TMCC1: variants seen among roughly 807,000 people sequenced by gnomAD.
TMCC1 encodes the protein transmembrane and coiled-coil domains protein 1.
TMCC1 carries 15 observed loss-of-function variants against 52.4 expected under a neutral mutation model. The ratio of observed to expected loss-of-function variants is 0.29; its 90% CI spans 0.19 to 0.44. TMCC1 has a LOEUF of 0.44. Among genes scored for constraint, TMCC1 ranks in the 20% least tolerant of loss-of-function variants. The pLI, the probability that TMCC1 is intolerant of heterozygous loss-of-function variation, is 1.00. For missense variants in TMCC1, 503 were observed against 806.0 expected, an observed-to-expected ratio of 0.62 and a Z score of 4.55; for synonymous variants, 279 against 301.9, an observed-to-expected ratio of 0.92 and a Z score of 0.79.
chr3:129,688,260 T>A (rs1322641031), intron 4 of TMCC1: 2 of 984,258 alleles, frequency 2.0e-6, no homozygotes, highest in Non-Finnish European at 2.4e-6. Context: ...AAAGCTTGGA[T>A]GGTAAAAAAA....
intron 4 of TMCC1, among the ~76,000 whole-genome samples, chr3:129,775,060 C>T (rs962005541): frequency 6.6e-6 from 1 of 152,098 alleles, no homozygotes; most frequent in African/African-American, 2.4e-5. Context: ...GGGACAGAGA[C>T]AAGAGTACTC....
chr3:129,893,425 C>T (rs2062075807), intron 1 of TMCC1, 69 bp downstream of exon 1: 1 of 152,110 alleles, frequency 6.6e-6, no homozygotes, highest in African/African-American at 2.4e-5. Context: ...CGACTGTCCC[C>T]ACCCACCGCG....
intron 4 of TMCC1, among the ~76,000 whole-genome samples, chr3:129,734,979 T>C (rs2050833200): frequency 6.6e-6 from 1 of 151,580 alleles, no homozygotes; most frequent in Non-Finnish European, 1.5e-5. Context: ...CTCGGCTCAC[T>C]GCAAGCTCCG....
chr3:129,761,001 T>G (rs886916308), intron 4 of TMCC1, among the ~76,000 whole-genome samples: 1 of 152,050 alleles, frequency 6.6e-6, no homozygotes, highest in African/African-American at 2.4e-5. Context: ...CGCATCCATG[T>G]ATCAGACAGA....
chr3:129,713,627 A>G (rs1576547853), intron 4 of TMCC1, among the ~76,000 whole-genome samples: 2 of 150,830 alleles, frequency 1.3e-5, no homozygotes, highest in African/African-American at 4.9e-5. Context: ...GGAGGAGAAC[A>G]GCTTGAGCCC....
At chr3:129,805,932 T>C (rs569687777) in intron 4 of TMCC1, among the ~76,000 whole-genome samples, 7 of 151,914 alleles carry the variant, frequency 4.6e-5, no homozygotes, top group African/African-American at 1.7e-4. Context: ...ACCCTGTCTC[T>C]TCAAAAAAAA....
chr3:129,738,147 T>C (rs1194374207), intron 4 of TMCC1, among the ~76,000 whole-genome samples: 2 of 151,798 alleles, frequency 1.3e-5, no homozygotes, highest in Non-Finnish European at 2.9e-5. Context: ...GGTGGGCACC[T>C]GTAACCCCAG....
chr3:129,882,135 A>T lies in TMCC1; in HGVS notation c.-434-1576T>A, dbSNP rs2061488255. On this transcript the variant is annotated intron_variant, in intron 1 of 6. Coordinates refer to ENST00000393238, the MANE Select transcript of TMCC1 (RefSeq NM_001017395.5). ...ATGGAATGAGAGAAAATATTTACAG[A>T]TCATCTATCATCCAGAATATACAGA... Among the ~76,000 whole-genome samples the T allele has an allele frequency of 2.0e-5, 3 of 152,188 alleles. No homozygotes were observed. The South Asian group carries it at 6.2e-4, about 31-fold the overall frequency.
intron 2 of TMCC1, among the ~76,000 whole-genome samples, chr3:129,869,532 A>G (rs1028258612): frequency 3.3e-5 from 5 of 152,148 alleles, no homozygotes; most frequent in Non-Finnish European, 5.9e-5. Flanking sequence ...GTCTTTTGGG[A>G]CTGAGCCCTT....
chr3:129,664,163 T>C (rs1050188411), intron 5 of TMCC1, among the ~76,000 whole-genome samples: 1 of 152,226 alleles, frequency 6.6e-6, no homozygotes, highest in Admixed American at 6.5e-5. Flanking sequence ...AAGGGCTAAT[T>C]TGATTCAGTA....
At chr3:129,655,124 T>C (rs1560119419) in intron 5 of TMCC1, 21 bp from the exon 6 acceptor site, 5 of 1,604,620 alleles carry the variant, frequency 3.1e-6, no homozygotes, top group East Asian at 2.2e-5. Flanking sequence ...AAAAAAAGTT[T>C]AGAATTTTAT....
At chr3:129,793,001 G>A (rs1323048170) in intron 4 of TMCC1, among the ~76,000 whole-genome samples, 1 of 152,104 alleles carries the variant, frequency 6.6e-6, no homozygotes, top group Non-Finnish European at 1.5e-5. Flanking sequence ...ATTATCACCT[G>A]GCTCTCAACT....
At chr3:129,688,370 T>G (rs748600607) in intron 4 of TMCC1, 1 of 985,314 alleles carries the variant, frequency 1.0e-6, no homozygotes, top group Non-Finnish European at 1.2e-6. Flanking sequence ...TGCACATACT[T>G]GGTTTCCGAG....
In TMCC1 at chr3:129,871,167, T is replaced by C. The variant is rs144126550; in HGVS notation, c.-184+9142A>G. Among the ~76,000 whole-genome samples the C allele has an allele frequency of 6.2e-3, 945 of 152,194 alleles. 15 individuals are homozygous for C. Among genetic ancestry groups the C allele is most frequent in the African/African-American group, 0.02 (819 of 41,538 alleles). ...TGAGGTCAGGAGTTCGAGACCAGCC[T>C]TGCCAACATAGTAAAACCCCATCTC... is the stretch of plus-strand genomic sequence containing the variant. On this transcript the variant is annotated intron_variant, in intron 2 of 6. Transcript: ENST00000393238.
At chr3:129,742,343 A>T (rs2051535347) in intron 4 of TMCC1, among the ~76,000 whole-genome samples, 1 of 152,152 alleles carries the variant, frequency 6.6e-6, no homozygotes, top group Non-Finnish European at 1.5e-5. Context: ...GAACTTGTAC[A>T]CAGAATATAT....
chr3:129,792,743 T>C (rs568105703), intron 4 of TMCC1, among the ~76,000 whole-genome samples: 2 of 152,252 alleles, frequency 1.3e-5, no homozygotes, highest in South Asian at 4.1e-4. Flanking sequence ...TCATCCATTA[T>C]AGGATCCATA....
chr3:129,850,377 G>C (rs2059862722), intron 2 of TMCC1, among the ~76,000 whole-genome samples: 1 of 152,178 alleles, frequency 6.6e-6, no homozygotes, highest in African/African-American at 2.4e-5. Flanking sequence ...CCAGACCTAA[G>C]ACATAGATGT....
At chr3:129,860,436 G>T (rs2060336179) in intron 2 of TMCC1, among the ~76,000 whole-genome samples, 1 of 151,970 alleles carries the variant, frequency 6.6e-6, no homozygotes, top group Non-Finnish European at 1.5e-5. Context: ...GGGGAAACGG[G>T]TAATAGTACA....
At chr3:129,791,695 A>G (rs746477682) in intron 4 of TMCC1, among the ~76,000 whole-genome samples, 7 of 152,222 alleles carry the variant, frequency 4.6e-5, no homozygotes, top group Non-Finnish European at 1.0e-4. Context: ...ATAAAGGAAG[A>G]AAATGATCTA....
Sources: allele counts gnomAD v4.1 joint callset (sites outside exome capture counted in the v4.1 genomes callset), GRCh38; gene constraint gnomAD v4.1.1; transcripts MANE v1.5; gene names NCBI Gene and HGNC (gene_info 2026-07-23, HGNC 2026-07-21).